Variants in NKPD1 observed in about 807,000 individuals in gnomAD.
NKPD1 encodes NTPase KAP family P-loop domain containing 1.
In NKPD1, 37 loss-of-function variants were observed where a neutral mutation model predicts 42.2. The ratio of observed to expected loss-of-function variants is 0.88; its 90% confidence interval spans 0.67 to 1.15. The LOEUF is 1.15. Among genes scored for constraint, NKPD1 ranks in the 50% most tolerant of loss-of-function variants. NKPD1 has a pLI of 0.00. For synonymous variants in NKPD1, 552 were observed against 536.5 expected, an observed-to-expected ratio of 1.03 and a Z score of -0.40; for missense variants, 1,113 against 1,174.6, an observed-to-expected ratio of 0.95 and a Z score of 0.77.
At position 45,153,261 on chromosome 19, in the gene NKPD1, C is replaced by A; in HGVS notation, c.1176G>T (p.Leu392=). The change falls in exon 5 of 5, where the codon CTG becomes CTT. Residue 392 remains leucine (L), a synonymous_variant. Coordinates refer to ENST00000686631, the MANE Select transcript of NKPD1 (RefSeq NM_198478.4). ...TGCCCACCGAGTACACGGCCATGAG[C>A]AGCCCCGAGCCCGACAGTGTGGTGG... ...GAATTLSGSG[L]LMAVYSVGKH... 6.2e-7 allele frequency: 1 copy of A among 1,602,426 alleles called. No individual in the cohort carries two copies. The highest frequency in any genetic ancestry group is 1.3e-5 in the African/African-American group (1 of 74,832).
Position 45,152,226 on chromosome 19 carries a change from CTG to C in NKPD1, c.2209_2210del (p.Gln737GlufsTer117). 1 of 1,604,138 alleles carries C rather than the reference CTG, an allele frequency of 6.2e-7. No individual in the cohort carries two copies. Among genetic ancestry groups the C allele is most frequent in the East Asian group, 2.3e-5 (1 of 44,378 alleles). ...ADFPFTVAEAQSLLRCTVNLD... is the reference protein window; with the variant it reads ...ADFPFTVAEAXSLLRCTVNLD... Reference sequence around the variant, plus strand: ...GGTTGACCGTGCAGCGCAGCAGGCTCTGCGCCTCGGCCACGGTGAAGGGGAAG... The same window carrying C: ...GGTTGACCGTGCAGCGCAGCAGGCTCCGCCTCGGCCACGGTGAAGGGGAAG... On this transcript the variant is annotated frameshift_variant, in exon 5 of 5. Coordinates refer to ENST00000686631, the MANE Select transcript of NKPD1 (RefSeq NM_198478.4). LOFTEE classifies it low-confidence loss of function (END_TRUNC).
rs1968938477 is a variant in NKPD1, at chr19:45,158,158, A to C, written c.529+505T>G. Among the ~76,000 whole-genome samples, 2 of 152,226 alleles carry C rather than the reference A, an allele frequency of 1.3e-5. No individual in the cohort carries two copies. ...CCCTAGAACAGGGTCTGGCACGCTCAGGGTGCTGGATACCTAGTCATGGAG... is the reference window on the plus strand; with the variant it reads ...CCCTAGAACAGGGTCTGGCACGCTCCGGGTGCTGGATACCTAGTCATGGAG... On this transcript the variant is annotated intron_variant, in intron 3 of 4. Transcript: ENST00000686631. This position sits in a 1 kb window ranked among gnomAD's most constrained non-coding sequence, Gnocchi z 4.6.
rs1286743897 is a variant in NKPD1, at chr19:45,153,403, AG to A, written c.1033del (p.Leu345TrpfsTer61). 3 of 1,554,632 alleles carry A rather than the reference AG, an allele frequency of 1.9e-6. No individual in the cohort carries two copies. In the South Asian group the frequency reaches 3.5e-5, roughly 18 times the overall value. ...CAGGCCCAGCGCCGCCAGCAGCGCCAGCAGCCCCAGGCACACGCGGCGCCGA... is the reference window on the plus strand; with the variant it reads ...CAGGCCCAGCGCCGCCAGCAGCGCCACAGCCCCAGGCACACGCGGCGCCGA... ...HCRRRVCLGL[L>X]ALLAALGLGV... On this transcript the variant is annotated frameshift_variant, in exon 5 of 5. Transcript: ENST00000686631. LOFTEE classifies it high-confidence loss of function.
At chr19:45,155,621 G>A (rs1968886968) in intron 4 of NKPD1, among the ~76,000 whole-genome samples, 164 bp downstream of exon 4, 1 of 152,154 alleles carries the variant, frequency 6.6e-6, no homozygotes, top group Admixed American at 6.5e-5. Context: ...GCAGCCAGGA[G>A]GCCAGAGAAG....
chr19:45,161,935 AC>A (rs1284898756), upstream of NKPD1, among the ~76,000 whole-genome samples: 1 of 152,030 alleles, frequency 6.6e-6, no homozygotes, highest in Admixed American at 6.6e-5. Context: ...TGCCCAGGTG[AC>A]CAAACACTGC....
In NKPD1 at chr19:45,153,220, C is replaced by T. The variant is rs78410586; in HGVS notation, c.1217G>A (p.Ser406Asn). ...CAGCCGCTCGATCTTCTTGCGCTGG[C>T]TTACGAACAGGTGCTTGCCCACCGA... Reference protein sequence around the residue: ...VYSVGKHLFVSQRKKIERLVS... With the variant: ...VYSVGKHLFVNQRKKIERLVS... The change falls in exon 5 of 5, where the codon AGC becomes AAC. Residue 406 changes from serine (S) to asparagine (N), a missense_variant. By Grantham distance (46) the Ser-to-Asn change is conservative (BLOSUM62 1). Coordinates refer to ENST00000686631, the MANE Select transcript of NKPD1 (RefSeq NM_198478.4). 1.3e-5 allele frequency: 20 copies of T among 1,598,654 alleles called. No homozygotes were observed. In the South Asian group the frequency reaches 1.6e-4, roughly 13 times the overall value.
rs775764957 is a variant in NKPD1 at position 45,152,187 on chromosome 19, G to A, written c.2250C>T (p.Ile750=). Residue 750 remains isoleucine (I), a synonymous_variant, in exon 5 of 5, where the codon ATC becomes ATT. Transcript: ENST00000686631. ...LRCTVNLDHS[I]RRRMGLIRAV... is the part of the protein sequence containing the mutation. ...CTCGGATGAGACCCATGCGCCGGCGGATGGAGTGGTCCAGGTTGACCGTGC... is the reference window on the plus strand; with the variant it reads ...CTCGGATGAGACCCATGCGCCGGCGAATGGAGTGGTCCAGGTTGACCGTGC... 11 of 1,595,390 alleles carry A rather than the reference G, an allele frequency of 6.9e-6. No homozygotes were observed. Among genetic ancestry groups the A allele is most frequent in the South Asian group, 6.7e-5 (6 of 89,170 alleles).
At position 45,152,408 on chromosome 19, in the gene NKPD1, G is replaced by C. The variant is rs1410870652; in HGVS notation, c.2029C>G (p.Arg677Gly). ...LSWALQCLED[R>G]QQTGGAPEGR... is the part of the protein sequence containing the mutation. ...TCGGGCGCGCCCCCGGTCTGCTGCC[G>C]GTCCTCCAGGCACTGCAGCGCCCAG... The change falls in exon 5 of 5, where the codon CGG becomes GGG. Residue 677 changes from arginine (R) to glycine (G), a missense_variant. By Grantham distance (125) the Arg-to-Gly change is moderately radical. Coordinates refer to ENST00000686631, the MANE Select transcript of NKPD1 (RefSeq NM_198478.4). The C allele has an allele frequency of 1.3e-6, 2 of 1,573,706 alleles. No individual in the cohort carries two copies. Among genetic ancestry groups the C allele is most frequent in the South Asian group, 1.1e-5 (1 of 86,968 alleles).
In NKPD1 at chr19:45,153,339, C is replaced by A; in HGVS notation, c.1098G>T (p.Ala366=). Residue 366 remains alanine, a synonymous_variant, in exon 5 of 5, where the codon GCG becomes GCT. Transcript: ENST00000686631. ...TGCCGCTCGGGCTGCCGTGGCCCAGCGCGTGGCCGCCCAGTGACAAGTAGA... is the reference window on the plus strand; with the variant it reads ...TGCCGCTCGGGCTGCCGTGGCCCAGAGCGTGGCCGCCCAGTGACAAGTAGA... ...GLLYLSLGGH[A]LGHGSPSGSL... The A allele has an allele frequency of 6.4e-7, 1 of 1,568,466 alleles. No individual in the cohort carries two copies. The highest frequency in any genetic ancestry group is 1.3e-5 in the African/African-American group (1 of 74,112).
chr19:45,161,330 G>A (rs1294815874), upstream of NKPD1, among the ~76,000 whole-genome samples: 1 of 152,192 alleles, frequency 6.6e-6, no homozygotes, highest in Non-Finnish European at 1.5e-5. Context: ...TGCTGAGTGG[G>A]CACCTGCCTC....
chr19:45,158,814 C>T lies in NKPD1; in HGVS notation c.378G>A (p.Ala126=), dbSNP rs145321228. The change falls in exon 3 of 5, where the codon GCG becomes GCA. Residue 126 remains alanine (A), a synonymous_variant. Coordinates refer to ENST00000686631, the MANE Select transcript of NKPD1 (RefSeq NM_198478.4). The surrounding 1 kb of genome is among the most constrained non-coding windows in gnomAD (Gnocchi z 4.6). The part of the protein sequence containing the change: ...VPKEPASAPQ[A]PTLPTTAPAM... ...CTGGTGCCGTGGTGGGTAAGGTGGG[C>T]GCCTGAGGGGCGCTGGCAGGTTCCT... 2.2e-4 allele frequency: 284 copies of T among 1,267,666 alleles called. 1 individual carries two copies. The highest frequency in any genetic ancestry group is 6.1e-4 in the South Asian group (47 of 76,424). 78.5% of individuals were successfully genotyped at this position (1,267,666 alleles called of 1,614,324 possible). A position where few individuals can be genotyped will look rare whatever the true frequency, so the allele number is the denominator to read the frequency against.
At position 45,160,190 on chromosome 19, in the gene NKPD1, G is replaced by A. The variant is rs1190643559; in HGVS notation, c.-40C>T. On this transcript the variant is annotated 5_prime_UTR_variant, in exon 2 of 5. Transcript: ENST00000686631. The stretch of plus-strand genomic sequence containing the variant: ...TGGGTGCTGGGGGCCTGCTCCTGAG[G>A]CAGGAGGGAGCACACAGGCTTGGCG... 3 of 1,196,624 alleles carry A rather than the reference G, an allele frequency of 2.5e-6. No homozygotes were observed. Among genetic ancestry groups the A allele is most frequent in the Admixed American group, 2.3e-5 (1 of 43,006 alleles). The allele number at this position is 1,196,624 out of a possible 1,614,324, so 74.1% of individuals were successfully genotyped here. A position where few individuals can be genotyped will look rare whatever the true frequency, so the allele number is the denominator to read the frequency against.
Position 45,152,176 on chromosome 19 carries a change from A to G in NKPD1, c.2261T>C (p.Met754Thr). Reference sequence around the variant, plus strand: ...CGCGCTGACGGCTCGGATGAGACCCATGCGCCGGCGGATGGAGTGGTCCAG... The same window carrying G: ...CGCGCTGACGGCTCGGATGAGACCCGTGCGCCGGCGGATGGAGTGGTCCAG... ...VNLDHSIRRR[M>T]GLIRAVSALK... is the part of the protein sequence containing the mutation. Residue 754 changes from methionine (M) to threonine (T), a missense_variant, in exon 5 of 5, where the codon ATG (methionine) becomes ACG (threonine). By Grantham distance (81) the Met-to-Thr change is moderately conservative. Around this residue, in one of 3 missense-constraint regions of NKPD1, gnomAD observed 867 missense variants for 870.1 expected, o/e 1.00. Transcript: ENST00000686631. The G allele has an allele frequency of 1.9e-6, 3 of 1,595,474 alleles. No individual in the cohort carries two copies. The highest frequency in any genetic ancestry group is 8.5e-7 in the Non-Finnish European group (1 of 1,172,698).
At position 45,153,032 on chromosome 19, in the gene NKPD1, C is replaced by A. The variant is rs779754290; in HGVS notation, c.1405G>T (p.Val469Leu). ...TTGATGGCGTTGAGCACGCCCACCA[C>A]GCGCTCCGGGTAGCACGTGTCCAGC... Reference protein sequence around the residue: ...TGLDTCYPERVVGVLNAINTL... With the variant: ...TGLDTCYPERLVGVLNAINTL... Residue 469 changes from valine (V) to leucine (L), a missense_variant, in exon 5 of 5, where the codon GTG becomes TTG. Physicochemically the swap from Val to Leu is conservative, Grantham distance 32. Coordinates refer to ENST00000686631, the MANE Select transcript of NKPD1 (RefSeq NM_198478.4). 2 of 1,582,814 alleles carry A rather than the reference C, an allele frequency of 1.3e-6. No individual in the cohort carries two copies. Among genetic ancestry groups the A allele is most frequent in the Non-Finnish European group, 8.6e-7 (1 of 1,163,776 alleles).
intron 2 of NKPD1, among the ~76,000 whole-genome samples, chr19:45,159,767 C>T (rs982521427): frequency 1.3e-5 from 2 of 152,208 alleles, no homozygotes; most frequent in African/African-American, 4.8e-5. Context: ...TCCCAGCACA[C>T]TGCTCCCCTC....
chr19:45,153,246 G>C lies in NKPD1; in HGVS notation c.1191C>G (p.Tyr397Ter). The change falls in exon 5 of 5, where the codon TAC becomes TAG. Residue 397 changes from tyrosine (Y) to a stop codon, truncating the protein, a stop_gained. Transcript: ENST00000686631. LOFTEE classifies it high-confidence loss of function. The stretch of plus-strand genomic sequence containing the variant: ...TTACGAACAGGTGCTTGCCCACCGA[G>C]TACACGGCCATGAGCAGCCCCGAGC... ...LSGSGLLMAVYSVGKHLFVSQ... is the reference protein window; with the variant it reads ...LSGSGLLMAV 6.2e-7 allele frequency: 1 copy of C among 1,602,902 alleles called. No homozygotes were observed. The highest frequency in any genetic ancestry group is 8.5e-7 in the Non-Finnish European group (1 of 1,175,716).
Position 45,152,003 on chromosome 19 carries a change from C to T in NKPD1, c.2434G>A (p.Gly812Ser), listed in dbSNP as rs1247541472. 1 of 1,609,734 alleles carries T rather than the reference C, an allele frequency of 6.2e-7. No homozygotes were observed. The highest frequency in any genetic ancestry group is 8.5e-7 in the Non-Finnish European group (1 of 1,178,122). The change falls in exon 5 of 5, where the codon GGC becomes AGC. Residue 812 changes from glycine to serine, a missense_variant. Transcript: ENST00000686631. ...GHHTGDLAHR[G>S]KLWPVACALF... is the part of the protein sequence containing the mutation. ...GCACAGGCCACCGGCCATAGCTTGC[C>T]CCTGTGGGCCAAGTCCCCAGTGTGG... is the stretch of plus-strand genomic sequence containing the variant.
rs763624220 is a variant in NKPD1 at position 45,152,052 on chromosome 19, G to A, written c.2385C>T (p.Ala795=). 3 of 1,608,816 alleles carry A rather than the reference G, an allele frequency of 1.9e-6. No homozygotes were observed. Among genetic ancestry groups the A allele is most frequent in the East Asian group, 4.5e-5 (2 of 44,794 alleles). Residue 795 remains alanine, a synonymous_variant, in exon 5 of 5, where the codon GCC becomes GCT. Transcript: ENST00000686631. ...GGTGGCCTTCGCCGGCTTGCCCTGA[G>A]GCACGGCCCGACGGGGGCGCCCTGG... The part of the protein sequence containing the change: ...SASRAPPSGR[A]SGQAGEGHHT...
At chr19:45,154,520 C>T (rs990968382) in intron 4 of NKPD1, among the ~76,000 whole-genome samples, 4 of 152,162 alleles carry the variant, frequency 2.6e-5, no homozygotes, top group Admixed American at 1.3e-4. Flanking sequence ...GGAGTAGGGA[C>T]TCTCTGTTCT....
Sources: gnomAD v4.1 joint callset for allele counts (sites outside exome capture counted in the v4.1 genomes callset) on GRCh38, gnomAD v4.1.1 for gene constraint, gnomAD v4.1.1 regional missense constraint, Gnocchi (gnomAD v3.1) non-coding constraint, MANE v1.5 for transcripts, NCBI Gene and HGNC (gene_info 2026-07-23, HGNC 2026-07-21) for gene names.